The following COG6 variants were observed in gnomAD, a reference collection of about 807,000 sequenced individuals.
COG6 encodes the protein conserved oligomeric Golgi complex subunit 6.
COG6 carries 74 observed loss-of-function variants against 88.8 expected under a neutral mutation model. The observed-to-expected ratio is 0.83, with a 90% CI of 0.69 to 1.01. COG6 has a LOEUF of 1.01. Among genes scored for constraint, COG6 ranks in the 50% least tolerant of loss-of-function variants. The probability of loss-of-function intolerance (pLI) is 0.00; values close to 1 mark genes in which losing one functional copy is unlikely to be tolerated. For missense variants in COG6, 800 were observed against 797.9 expected (o/e 1.00, Z -0.03); for synonymous variants, 286 against 278.7 (o/e 1.03, Z -0.26).
chr13:39,768,256 T>A (rs1157359411), intron 18 of COG6, among the ~76,000 whole-genome samples: 1 of 152,268 alleles, frequency 6.6e-6, no homozygotes, highest in Non-Finnish European at 1.5e-5. Flanking sequence ...CTGGTGTTGG[T>A]ATCTCACTGG....
At chr13:39,775,185 T>A (rs1223548736) in intron 18 of COG6, among the ~76,000 whole-genome samples, 1 of 152,140 alleles carries the variant, frequency 6.6e-6, no homozygotes, top group Admixed American at 6.5e-5. Context: ...ATCTGTTACC[T>A]AAGGTAAGTT....
chr13:39,712,896 C>T (rs991362960), intron 13 of COG6, among the ~76,000 whole-genome samples: 7 of 152,148 alleles, frequency 4.6e-5, no homozygotes, highest in Non-Finnish European at 1.0e-4. Context: ...CAGGTTACAA[C>T]TCTAGTTAAG....
At chr13:39,706,149 G>T (rs1419573905) in intron 13 of COG6, among the ~76,000 whole-genome samples, 1 of 146,126 alleles carries the variant, frequency 6.8e-6, no homozygotes, top group Admixed American at 6.9e-5. Flanking sequence ...TGTATTTAGA[G>T]CAAAAGGAAT....
chr13:39,783,790 T>G (rs1373531600), intron 18 of COG6, among the ~76,000 whole-genome samples: 2 of 152,220 alleles, frequency 1.3e-5, no homozygotes, highest in Non-Finnish European at 2.9e-5. Flanking sequence ...AGGCAGCTCC[T>G]CAAGCTAAGT....
intron 11 of COG6, among the ~76,000 whole-genome samples, chr13:39,693,113 G>A (rs1228591402): frequency 6.6e-6 from 1 of 151,868 alleles, no homozygotes; most frequent in Non-Finnish European, 1.5e-5. Flanking sequence ...ATTTCTGTGT[G>A]GCAAACAAAG....
chr13:39,659,544 C>G (rs779429072), intron 2 of COG6, 37 bp downstream of exon 2: 1 of 1,573,808 alleles, frequency 6.4e-7, no homozygotes, highest in Non-Finnish European at 8.7e-7. Context: ...ATATTGAGAA[C>G]TTACTATTAC....
intron 5 of COG6, 84 bp downstream of exon 5, chr13:39,677,663 C>A: frequency 2.8e-6 from 2 of 707,328 alleles, no homozygotes; most frequent in African/African-American, 1.8e-5. Context: ...GCTTTATTTT[C>A]CCATTAAAAA....
At chr13:39,756,035 G>A (rs550640028), downstream of COG6, among the ~76,000 whole-genome samples, 1 of 152,100 alleles carries the variant, frequency 6.6e-6, no homozygotes, top group South Asian at 2.1e-4. Context: ...ATTAGACAAA[G>A]ATTTTAACTA....
chr13:39,727,624 A>G, intron 18 of COG6, 76 bp downstream of exon 18: 1 of 1,094,458 alleles, frequency 9.1e-7, no homozygotes, highest in South Asian at 1.3e-5. Context: ...TTTGGAAAAA[A>G]ATTTATTTTC....
intron 18 of COG6, among the ~76,000 whole-genome samples, chr13:39,738,888 T>G (rs1879902724): frequency 6.6e-6 from 1 of 152,084 alleles, no homozygotes; most frequent in Non-Finnish European, 1.5e-5. Flanking sequence ...ACATGAAATA[T>G]AAGCTTACAG....
chr13:39,676,056 C>T (rs776759064), intron 4 of COG6, among the ~76,000 whole-genome samples: 5 of 152,038 alleles, frequency 3.3e-5, no homozygotes, highest in South Asian at 2.1e-4. Flanking sequence ...TCAAACTCTT[C>T]GCTATCTTGA....
At chr13:39,706,288 T>TATTTAA (rs1877921386) in intron 13 of COG6, among the ~76,000 whole-genome samples, 1 of 141,812 alleles carries the variant, frequency 7.1e-6, no homozygotes. Flanking sequence ...TTTAAATATA[T>TATTTAA]ATAGAGAGAG....
chr13:39,677,614 T>A lies in COG6; in HGVS notation c.540+35T>A, dbSNP rs1329266671. ...CTTTCTGTTATAATCATTTAAAGTT[T>A]AGTAGTTACAGATATTAGAGAGAAA... On this transcript the variant is annotated intron_variant, in intron 5 of 18. Transcript: ENST00000455146. The A allele has an allele frequency of 1.0e-5, 13 of 1,284,098 alleles. No individual in the cohort carries two copies. In the Middle Eastern group the frequency reaches 7.4e-4, roughly 73 times the overall value. The allele number at this position is 1,284,098 out of a possible 1,614,324, so 79.5% of individuals were successfully genotyped here.
chr13:39,700,869 T>A (rs188197415), intron 13 of COG6, among the ~76,000 whole-genome samples: 42 of 151,804 alleles, frequency 2.8e-4, no homozygotes, highest in African/African-American at 9.9e-4. Context: ...TGTAATGGAG[T>A]TGAACTTTGA....
chr13:39,682,569 A>T (rs2137993820), intron 8 of COG6: 1 of 290,364 alleles, frequency 3.4e-6, no homozygotes, highest in Non-Finnish European at 6.6e-6. Flanking sequence ...AATTGTAAGT[A>T]ACTAAAACTC....
rs1390065165 is a variant in COG6 at position 39,725,513 on chromosome 13, GT to G, written c.1746+955del. On this transcript the variant is annotated intron_variant, in intron 17 of 18. Transcript: ENST00000455146. ...CCTATATATTATCTTCCAGAACTCAGTTTAACTGAAAACAAAAGGATAGGCT... is the reference window on the plus strand; with the variant it reads ...CCTATATATTATCTTCCAGAACTCAGTTAACTGAAAACAAAAGGATAGGCT... Among the ~76,000 whole-genome samples, 28 of 151,930 alleles carry G rather than the reference GT, an allele frequency of 1.8e-4. No individual in the cohort carries two copies. The Middle Eastern group carries it at 0.01, about 56-fold the overall frequency.
chr13:39,681,207 C>T (rs1487954816), intron 7 of COG6, among the ~76,000 whole-genome samples: 1 of 152,222 alleles, frequency 6.6e-6, no homozygotes, highest in Non-Finnish European at 1.5e-5. Flanking sequence ...TAACCAGCTA[C>T]TCCTGTACTA....
chr13:39,687,659 G>C, intron 9 of COG6, 28 bp downstream of exon 9: 1 of 1,613,900 alleles, frequency 6.2e-7, no homozygotes, highest in Non-Finnish European at 8.5e-7. Context: ...CAGAAGAGGA[G>C]TTGATGTTTT....
At chr13:39,660,713 T>TA in intron 2 of COG6, 97 bp from the exon 3 acceptor site, 3 of 837,816 alleles carry the variant, frequency 3.6e-6, no homozygotes, top group East Asian at 2.6e-5. Context: ...ACCAAAAAAA[T>TA]AAAAAATTAT....
Sources: gnomAD v4.1 joint callset for allele counts (sites outside exome capture counted in the v4.1 genomes callset) on GRCh38, gnomAD v4.1.1 for gene constraint, MANE v1.5 for transcripts, NCBI Gene and HGNC (gene_info 2026-07-23, HGNC 2026-07-21) for gene names.